Variants in SIVA1 observed in about 807,000 individuals in gnomAD.
The protein encoded by SIVA1 is apoptosis regulatory protein Siva.
SIVA1 carries 10 observed loss-of-function variants against 19.7 expected under a neutral mutation model. The ratio of observed to expected loss-of-function variants is 0.51; its 90% CI spans 0.31 to 0.86. The LOEUF is 0.86. Among genes scored for constraint, SIVA1 ranks in the 40% least tolerant of loss-of-function variants. SIVA1 has a pLI of 0.04. For synonymous variants in SIVA1, 130 were observed against 106.1 expected, an observed-to-expected ratio of 1.23 and a Z score of -1.39; for missense variants, 241 against 245.2, an observed-to-expected ratio of 0.98 and a Z score of 0.11.
rs372008719 is a variant in SIVA1, at chr14:104,756,662, G to A, written c.372G>A (p.Lys124=). 2 of 1,614,228 alleles carry A rather than the reference G, an allele frequency of 1.2e-6. No individual in the cohort carries two copies. The highest frequency in any genetic ancestry group is 1.7e-6 in the Non-Finnish European group (2 of 1,180,040). ...CATGCGTGCGAGCCGTGGATGGGAA[G>A]GCGGTCTGCGGTCAGTGTGAGCGAG... ...CSSCVRAVDG[K]AVCGQCERAL... Residue 124 remains lysine, a synonymous_variant, in exon 3 of 4, where the codon AAG becomes AAA. Coordinates refer to ENST00000329967, the MANE Select transcript of SIVA1 (RefSeq NM_006427.4).
At chr14:104,755,604 C>T (rs375824113) in intron 1 of SIVA1, 26 bp from the exon 2 acceptor site, 40 of 1,598,356 alleles carry the variant, frequency 2.5e-5, no homozygotes, top group African/African-American at 5.4e-5. Flanking sequence ...CAGTGAAGGA[C>T]GTGAGAATGA....
chr14:104,753,484 G>A (rs2140851854), intron 1 of SIVA1, among the ~76,000 whole-genome samples, 165 bp downstream of exon 1: 1 of 152,280 alleles, frequency 6.6e-6, no homozygotes, highest in East Asian at 1.9e-4. Flanking sequence ...GCCACGCCCA[G>A]GGCTGGGGTC....
rs770492092 is a variant in SIVA1 at position 104,759,506 on chromosome 14, C to G, written c.*21C>G. The G allele has an allele frequency of 8.7e-6, 14 of 1,605,964 alleles. No homozygotes were observed. In the Admixed American group the frequency reaches 1.0e-4, roughly 11 times the overall value. The stretch of plus-strand genomic sequence containing the variant: ...CCTGAGGCTGGCTCAAGCCGGCTGC[C>G]TTCACCGGGAGCCACGCCGTGCATG... On this transcript the variant is annotated 3_prime_UTR_variant, in exon 4 of 4. Transcript: ENST00000329967. The surrounding 1 kb of genome is among the most constrained non-coding windows in gnomAD (Gnocchi z 4.2).
intron 3 of SIVA1, chr14:104,757,349 T>A: frequency 2.5e-6 from 1 of 404,900 alleles, no homozygotes; most frequent in Non-Finnish European, 4.9e-6. Flanking sequence ...GATGACTTCA[T>A]CCAGACACAT....
rs373057611 is a variant in SIVA1, at chr14:104,759,501, G to C, written c.*16G>C. The C allele has an allele frequency of 2.5e-5, 40 of 1,606,712 alleles. No homozygotes were observed. The highest frequency in any genetic ancestry group is 3.2e-5 in the Non-Finnish European group (38 of 1,179,020). ...CGAGACCTGAGGCTGGCTCAAGCCG[G>C]CTGCCTTCACCGGGAGCCACGCCGT... On this transcript the variant is annotated 3_prime_UTR_variant, in exon 4 of 4. Transcript: ENST00000329967. This position sits in a 1 kb window ranked among gnomAD's most constrained non-coding sequence, Gnocchi z 4.2.
In SIVA1 at chr14:104,756,772, A is replaced by G; in HGVS notation, c.470+12A>G. ...TGTGGCCTCGTGGAGTAAGTACTTC[A>G]GTCCCTGGAGCTGCTGAGATCCCAT... is the stretch of plus-strand genomic sequence containing the variant. On this transcript the variant is annotated intron_variant, in intron 3 of 3. Transcript: ENST00000329967. The G allele has an allele frequency of 6.2e-7, 1 of 1,601,910 alleles. No homozygotes were observed. Among genetic ancestry groups the G allele is most frequent in the Non-Finnish European group, 8.5e-7 (1 of 1,172,480 alleles).
intron 1 of SIVA1, among the ~76,000 whole-genome samples, chr14:104,754,045 C>G (rs1891804030): frequency 6.6e-6 from 1 of 152,064 alleles, no homozygotes; most frequent in African/African-American, 2.4e-5. Flanking sequence ...AATAGGACTC[C>G]GTGTGGCTGC....
Position 104,759,289 on chromosome 14 carries a change from C to T in SIVA1, c.471-139C>T, listed in dbSNP as rs1045178276. The stretch of plus-strand genomic sequence containing the variant: ...TGCCGTCATCTAGACTGATGATGCC[C>T]GCAGTGATCCTGTCTCCAGATAAGG... On this transcript the variant is annotated intron_variant, in intron 3 of 3. Transcript: ENST00000329967. This position sits in a 1 kb window ranked among gnomAD's most constrained non-coding sequence, Gnocchi z 4.2. The T allele has an allele frequency of 1.4e-5, 9 of 659,056 alleles. No homozygotes were observed. The highest frequency in any genetic ancestry group is 2.8e-5 in the East Asian group (1 of 35,108). 40.8% of individuals were successfully genotyped at this position (659,056 alleles called of 1,614,324 possible).
At chr14:104,755,938 AC>A in intron 2 of SIVA1, 114 bp downstream of exon 2, 1 of 1,030,296 alleles carries the variant, frequency 9.7e-7, no homozygotes. Context: ...CAGGACTCTG[AC>A]CCAGAGCTTG....
intron 3 of SIVA1, chr14:104,758,663 T>C (rs1243847672): frequency 6.6e-6 from 1 of 152,174 alleles, no homozygotes; most frequent in Non-Finnish European, 1.5e-5. Context: ...CTAATTTTTG[T>C]ATTCTTAGTA....
At chr14:104,755,480 G>A (rs188990097) in intron 1 of SIVA1, 150 bp from the exon 2 acceptor site, 2 of 704,626 alleles carry the variant, frequency 2.8e-6, no homozygotes, top group African/African-American at 1.8e-5. Context: ...GACCCAGCTC[G>A]CCAGGGCACA....
rs1831407957 is a variant in SIVA1, at chr14:104,759,113, CTCTCTCCTGGCA to C, written c.471-311_471-300del. 1 of 232,754 alleles carries C rather than the reference CTCTCTCCTGGCA, an allele frequency of 4.3e-6. No individual in the cohort carries two copies. Among genetic ancestry groups the C allele is most frequent in the Non-Finnish European group, 8.3e-6 (1 of 119,836 alleles). The allele number at this position is 232,754 out of a possible 1,614,324, so 14.4% of individuals were successfully genotyped here. On this transcript the variant is annotated intron_variant, in intron 3 of 3. Transcript: ENST00000329967. The surrounding 1 kb of genome is among the most constrained non-coding windows in gnomAD (Gnocchi z 4.2). Reference sequence around the variant, plus strand: ...GCTGCAATGGAAAACCTGTCCTGGCCTCTCTCCTGGCATCTGCTGGTTATCTTTGGTGTTCCC... The same window carrying C: ...GCTGCAATGGAAAACCTGTCCTGGCCTCTGCTGGTTATCTTTGGTGTTCCC...
chr14:104,758,988 T>C (rs1891995919), intron 3 of SIVA1: 1 of 154,424 alleles, frequency 6.5e-6, no homozygotes, highest in South Asian at 2.0e-4. Context: ...GTAACTGAGT[T>C]CGCAGACCCA....
In SIVA1 at chr14:104,753,294, C is replaced by G. The variant is rs1891767763; in HGVS notation, c.93C>G (p.Ala31=). Residue 31 remains alanine, a synonymous_variant, in exon 1 of 4, where the codon GCC becomes GCG. Transcript: ENST00000329967. ...SQRELSRGVC[A]ERYSQEVFEK... is the part of the protein sequence containing the mutation. ...GGGAGTTGAGCCGCGGCGTGTGCGC[C>G]GAGCGCTACTCGCAGGAGGTCTTCG... 6.2e-6 allele frequency: 10 copies of G among 1,600,698 alleles called. No individual in the cohort carries two copies. Among genetic ancestry groups the G allele is most frequent in the Non-Finnish European group, 8.5e-6 (10 of 1,175,564 alleles).
At chr14:104,753,342 A>C in intron 1 of SIVA1, 23 bp downstream of exon 1, 1 of 1,521,610 alleles carries the variant, frequency 6.6e-7, no homozygotes, top group Non-Finnish European at 9.0e-7. Context: ...CGGGCTGCCG[A>C]GGGTCCGCTG....
intron 3 of SIVA1, chr14:104,757,630 A>C (rs1023638061): frequency 1.9e-5 from 3 of 155,016 alleles, no homozygotes; most frequent in Non-Finnish European, 2.9e-5. Context: ...AATCATCTGC[A>C]GGGCTAGCTA....
rs1457789455 is a variant in SIVA1 at position 104,755,854 on chromosome 14, G to C, written c.313+30G>C. 6 of 1,596,182 alleles carry C rather than the reference G, an allele frequency of 3.8e-6. No homozygotes were observed. The African/African-American group carries it at 8.0e-5, about 21-fold the overall frequency. On this transcript the variant is annotated intron_variant, in intron 2 of 3. Coordinates refer to ENST00000329967, the MANE Select transcript of SIVA1 (RefSeq NM_006427.4). ...GTGGCACCAGCAGCCCTTTGTGGCT[G>C]TGGCACTGAGGGCAGGTGGTGGCAC...
chr14:104,753,542 G>A (rs139040803), intron 1 of SIVA1, among the ~76,000 whole-genome samples: 1,559 of 152,266 alleles, frequency 0.01, 14 homozygotes, highest in Middle Eastern at 0.048. Flanking sequence ...CTGTCCAACA[G>A]CCTGAAAGAA....
At position 104,753,189 on chromosome 14, in the gene SIVA1, C is replaced by G. The variant is rs769589090; in HGVS notation, c.-13C>G. 18 of 1,540,292 alleles carry G rather than the reference C, an allele frequency of 1.2e-5. No individual in the cohort carries two copies. The Admixed American group carries it at 2.3e-4, about 19-fold the overall frequency. On this transcript the variant is annotated 5_prime_UTR_variant, in exon 1 of 4. Coordinates refer to ENST00000329967, the MANE Select transcript of SIVA1 (RefSeq NM_006427.4). The stretch of plus-strand genomic sequence containing the variant: ...GGCGGCCGGGGAGCTGCGTAGCTCC[C>G]GGCCCCGCGGCCATGCCCAAGCGGA...
Sources: gnomAD v4.1 joint callset for allele counts (sites outside exome capture counted in the v4.1 genomes callset) on GRCh38, gnomAD v4.1.1 for gene constraint, Gnocchi (gnomAD v3.1) non-coding constraint, MANE v1.5 for transcripts, NCBI Gene and HGNC (gene_info 2026-07-23, HGNC 2026-07-21) for gene names.